PRPF18: variants seen among roughly 807,000 people sequenced by gnomAD.
The protein encoded by PRPF18 is pre-mRNA processing factor 18.
Under a neutral mutation model 46.5 loss-of-function variants are expected in PRPF18, and 38 were observed. That is an observed-to-expected ratio of 0.82 (90% CI 0.63 to 1.07). The LOEUF (loss-of-function observed/expected upper bound fraction) is 1.07. PRPF18 is among the 50% of genes least tolerant of loss of function. The pLI, the probability that PRPF18 is intolerant of heterozygous loss-of-function variation, is 0.00. For synonymous variants in PRPF18, 152 were observed against 146.7 expected (o/e 1.04, Z -0.26); for missense variants, 263 against 410.0 (o/e 0.64, Z 3.10).
chr10:13,651,394 T>C, the PRPF18 span: 19 of 153,612 alleles, frequency 1.2e-4, no homozygotes, highest in South Asian at 3.7e-3. Context: ...CACAGTAAAA[T>C]GTCTACAAAT....
intron 2 of PRPF18, 49 bp from the exon 3 acceptor site, chr10:13,600,195 C>A: frequency 7.2e-7 from 1 of 1,383,682 alleles, no homozygotes; most frequent in Non-Finnish European, 1.0e-6. Flanking sequence ...TGATAAATAT[C>A]AACTATATTT....
chr10:13,626,731 G>A lies in PRPF18; in HGVS notation c.949-3529G>A, dbSNP rs72767553. On this transcript the variant is annotated intron_variant, in intron 9 of 9. Transcript: ENST00000378572. ...TTAAAACGTTTGAAAAGGGTTGCCT[G>A]TGGAGAGCTGGAATTAGGATTTGGA... is the stretch of plus-strand genomic sequence containing the variant. 9.9e-3 allele frequency among the ~76,000 whole-genome samples: 1,505 copies of A among 152,270 alleles called. 7 individuals are homozygous for A. Among genetic ancestry groups the A allele is most frequent in the Non-Finnish European group, 0.013 (889 of 68,016 alleles).
chr10:13,592,887 A>G (rs1239378931), intron 1 of PRPF18, among the ~76,000 whole-genome samples: 4 of 152,238 alleles, frequency 2.6e-5, no homozygotes, highest in Non-Finnish European at 4.4e-5. Context: ...CAATGCTACA[A>G]TAATCAAAAC....
downstream of PRPF18, among the ~76,000 whole-genome samples, chr10:13,633,592 C>A (rs780424198): frequency 6.6e-6 from 1 of 152,104 alleles, no homozygotes; most frequent in Non-Finnish European, 1.5e-5. Flanking sequence ...CTGCCCCACC[C>A]CATGAGGTTA....
the PRPF18 span, chr10:13,651,779 T>G: frequency 1.1e-4 from 75 of 669,186 alleles, no homozygotes; most frequent in East Asian, 1.9e-3. Flanking sequence ...TCCCCATGTA[T>G]CTAGAAATAA....
intron 4 of PRPF18, among the ~76,000 whole-genome samples, chr10:13,607,560 T>C (rs985016558): frequency 1.3e-5 from 2 of 152,182 alleles, no homozygotes; most frequent in Non-Finnish European, 2.9e-5. Context: ...CACAGGTGTG[T>C]GCCACCATGC....
Position 13,586,979 on chromosome 10 carries a change from G to A in PRPF18, c.-108G>A. 8.7e-7 allele frequency: 1 copy of A among 1,152,698 alleles called. No homozygotes were observed. Among genetic ancestry groups the A allele is most frequent in the Non-Finnish European group, 1.3e-6 (1 of 762,830 alleles). The allele number at this position is 1,152,698 out of a possible 1,614,324, so 71.4% of individuals were successfully genotyped here. ...CGGCTCCTGTCAGTTGTTCTCAGGT[G>A]TTTGGGCTTGTTGTTCCGTATACTC... On this transcript the variant is annotated 5_prime_UTR_variant, in exon 1 of 10. Coordinates refer to ENST00000378572, the MANE Select transcript of PRPF18 (RefSeq NM_003675.4).
intron 1 of PRPF18, among the ~76,000 whole-genome samples, chr10:13,595,730 A>G (rs1451251850): frequency 6.6e-6 from 1 of 152,218 alleles, no homozygotes; most frequent in Non-Finnish European, 1.5e-5. Context: ...TACCCCAGAT[A>G]ACATCTTCAT....
In PRPF18 at chr10:13,603,322, A is replaced by G. The variant is rs192298763; in HGVS notation, c.250-2309A>G. Among the ~76,000 whole-genome samples the G allele has an allele frequency of 5.9e-3, 905 of 152,118 alleles. 5 individuals carry two copies. Among genetic ancestry groups the G allele is most frequent in the African/African-American group, 0.02 (813 of 41,482 alleles). Reference sequence around the variant, plus strand: ...TGGTGGTGGTGGTGGTGGTGGTGGTATATTTCAGCTTCTTTATTTAAAAAA... The same window carrying G: ...TGGTGGTGGTGGTGGTGGTGGTGGTGTATTTCAGCTTCTTTATTTAAAAAA... On this transcript the variant is annotated intron_variant, in intron 3 of 9. Transcript: ENST00000378572.
chr10:13,623,157 C>A (rs1218026006), intron 9 of PRPF18, among the ~76,000 whole-genome samples: 1 of 151,908 alleles, frequency 6.6e-6, no homozygotes, highest in Non-Finnish European at 1.5e-5. Context: ...GCCGAGATTG[C>A]GCCACTGCAC....
chr10:13,655,089 C>A, the PRPF18 span: 3 of 152,938 alleles, frequency 2.0e-5, no homozygotes, highest in African/African-American at 7.2e-5. Flanking sequence ...TCATCCAAAC[C>A]TGACCACTAC....
downstream of PRPF18, chr10:13,631,096 G>A (rs1013010731): frequency 6.6e-5 from 10 of 152,414 alleles, no homozygotes; most frequent in African/African-American, 2.4e-4. Context: ...TGGGGAAATT[G>A]TGATGATGCT....
At chr10:13,619,252 G>C (rs2080390654) in intron 9 of PRPF18, among the ~76,000 whole-genome samples, 1 of 152,234 alleles carries the variant, frequency 6.6e-6, no homozygotes, top group African/African-American at 2.4e-5. Context: ...GAAAATGGTA[G>C]AACTTTCTGA....
At chr10:13,591,513 G>A in intron 1 of PRPF18, 1 of 710,616 alleles carries the variant, frequency 1.4e-6, no homozygotes, top group Non-Finnish European at 2.6e-6. Context: ...ACAGATCGCA[G>A]GTAGTCCTGG....
chr10:13,607,427 A>G (rs1340757357), intron 4 of PRPF18, among the ~76,000 whole-genome samples: 1 of 151,832 alleles, frequency 6.6e-6, no homozygotes, highest in African/African-American at 2.4e-5. Flanking sequence ...GTGTACACAC[A>G]CGCTTTTTGA....
chr10:13,639,321 C>T, the PRPF18 span: 1 of 152,218 alleles, frequency 6.6e-6, no homozygotes, highest in Non-Finnish European at 1.5e-5. Context: ...CTTGTGTTCT[C>T]TCCAAATCTC....
chr10:13,603,353 A>G (rs2080142535), intron 3 of PRPF18, among the ~76,000 whole-genome samples: 1 of 152,194 alleles, frequency 6.6e-6, no homozygotes, highest in African/African-American at 2.4e-5. Flanking sequence ...AAAAATTAGA[A>G]TAATAGAATT....
chr10:13,644,750 A>G, the PRPF18 span: 1 of 152,128 alleles, frequency 6.6e-6, no homozygotes, highest in Non-Finnish European at 1.5e-5. Flanking sequence ...CTTCTTTGGG[A>G]GAAAGAAAAA....
In PRPF18 at chr10:13,606,000, C is replaced by T. The variant is rs545925032; in HGVS notation, c.363+256C>T. 9.8e-3 allele frequency among the ~76,000 whole-genome samples: 1,495 copies of T among 152,230 alleles called. 21 individuals carry two copies. The highest frequency in any genetic ancestry group is 0.032 in the African/African-American group (1,338 of 41,528). ...AACATTTTCGTCACCAAAGAAATTT[C>T]CCTGAGAGCATCAGGAAGAATAGCG... is the stretch of plus-strand genomic sequence containing the variant. On this transcript the variant is annotated intron_variant, in intron 4 of 9. Coordinates refer to ENST00000378572, the MANE Select transcript of PRPF18 (RefSeq NM_003675.4).
Sources: allele counts gnomAD v4.1 joint callset (sites outside exome capture counted in the v4.1 genomes callset), GRCh38; gene constraint gnomAD v4.1.1; transcripts MANE v1.5; gene names NCBI Gene and HGNC (gene_info 2026-07-23, HGNC 2026-07-21).